Variants in TTC23L observed in about 807,000 individuals in gnomAD.
The protein encoded by TTC23L is tetratricopeptide repeat domain 23 like.
TTC23L carries 42 observed loss-of-function variants against 48.1 expected under a neutral mutation model. The ratio of observed to expected loss-of-function variants is 0.87; its 90% CI spans 0.68 to 1.13. The LOEUF is 1.13. TTC23L is among the 50% of genes most tolerant of loss of function. The pLI is 0.00. For synonymous variants in TTC23L, 159 were observed against 157.2 expected, an observed-to-expected ratio of 1.01 and a Z score of -0.09; for missense variants, 391 against 421.0, an observed-to-expected ratio of 0.93 and a Z score of 0.62.
chr5:34,891,909 A>G lies in TTC23L; in HGVS notation c.1078-4861A>G, dbSNP rs994466378. On this transcript the variant is annotated intron_variant, in intron 9 of 10. Coordinates refer to ENST00000505624, the Ensembl canonical transcript of TTC23L. ...TATGAGTTTCTTTAGGTACTTGGAAATTAATTTTTCTTTCTGTAAATTACA... is the reference window on the plus strand; with the variant it reads ...TATGAGTTTCTTTAGGTACTTGGAAGTTAATTTTTCTTTCTGTAAATTACA... Among the ~76,000 whole-genome samples the G allele has an allele frequency of 2.0e-4, 30 of 152,332 alleles. No homozygotes were observed. The East Asian group carries it at 5.6e-3, about 28-fold the overall frequency.
intron 9 of TTC23L, among the ~76,000 whole-genome samples, chr5:34,885,110 C>T (rs153013): frequency 0.31 from 46,898 of 152,058 alleles, 7,674 homozygotes; most frequent in South Asian, 0.47. Flanking sequence ...ATTTCCAGTG[C>T]ATACTTAATT....
intron 8 of TTC23L, among the ~76,000 whole-genome samples, chr5:34,870,304 C>A (rs1410151578): frequency 6.6e-6 from 1 of 151,948 alleles, no homozygotes; most frequent in Non-Finnish European, 1.5e-5. Context: ...TCTAAGCACA[C>A]AAAGACATAC....
At chr5:34,891,861 G>C (rs1459130367) in intron 9 of TTC23L, among the ~76,000 whole-genome samples, 1 of 152,164 alleles carries the variant, frequency 6.6e-6, no homozygotes, top group African/African-American at 2.4e-5. Flanking sequence ...AAAATTAGGA[G>C]ATCTAATTCA....
intron 2 of TTC23L, among the ~76,000 whole-genome samples, chr5:34,843,839 A>T (rs1758895493): frequency 6.6e-6 from 1 of 152,114 alleles, no homozygotes; most frequent in South Asian, 2.1e-4. Flanking sequence ...ACAGGCCATT[A>T]TTTGTTTTTA....
At chr5:34,899,940 A>G (rs937700449), downstream of TTC23L, among the ~76,000 whole-genome samples, 2 of 152,188 alleles carry the variant, frequency 1.3e-5, no homozygotes, top group African/African-American at 4.8e-5. Context: ...ATCCTGATCT[A>G]TGACTTGGGG....
At chr5:34,916,395 G>A in the TTC23L span, 1 of 152,836 alleles carries the variant, frequency 6.5e-6, no homozygotes, top group African/African-American at 2.4e-5. Flanking sequence ...AAGAGATACT[G>A]AAAAATAGAC....
At chr5:34,908,680 A>G in the TTC23L span, 2 of 1,242,162 alleles carry the variant, frequency 1.6e-6, no homozygotes, top group Non-Finnish European at 2.2e-6. Context: ...AGAAAATCCA[A>G]TATGAAATGA....
At chr5:34,892,776 G>C (rs1762953756) in intron 9 of TTC23L, among the ~76,000 whole-genome samples, 1 of 152,154 alleles carries the variant, frequency 6.6e-6, no homozygotes, top group Non-Finnish European at 1.5e-5. Flanking sequence ...ACCCGATATT[G>C]CTGAGGAAAA....
At chr5:34,923,071 G>A in the TTC23L span, 2 of 1,568,362 alleles carry the variant, frequency 1.3e-6, no homozygotes, top group Non-Finnish European at 1.8e-6. Flanking sequence ...TTTAAAATTA[G>A]CTATCCAAAA....
intron 2 of TTC23L, among the ~76,000 whole-genome samples, chr5:34,844,298 G>T (rs1220732695): frequency 6.9e-6 from 1 of 145,648 alleles, no homozygotes; most frequent in African/African-American, 2.6e-5. Flanking sequence ...TACACAACCT[G>T]GTTTGCCCAC....
At chr5:34,875,549 T>G (rs1231831411) in intron 8 of TTC23L, among the ~76,000 whole-genome samples, 3 of 152,098 alleles carry the variant, frequency 2.0e-5, no homozygotes, top group African/African-American at 7.2e-5. Flanking sequence ...CAGTGGCAGC[T>G]GATTAGATTG....
At chr5:34,853,462 G>A (rs1317066321) in intron 4 of TTC23L, among the ~76,000 whole-genome samples, 1 of 152,130 alleles carries the variant, frequency 6.6e-6, no homozygotes, top group East Asian at 1.9e-4. Flanking sequence ...ACCAGGAGGT[G>A]GAGGTGGCAG....
At chr5:34,839,598 G>A (rs926046702) in intron 1 of TTC23L, 11 of 984,746 alleles carry the variant, frequency 1.1e-5, no homozygotes, top group African/African-American at 5.2e-5. Flanking sequence ...AGGTTAAAAA[G>A]AGAAATTAGT....
At chr5:34,895,513 G>A (rs550091671) in intron 9 of TTC23L, among the ~76,000 whole-genome samples, 3 of 152,292 alleles carry the variant, frequency 2.0e-5, no homozygotes, top group Admixed American at 1.3e-4. Flanking sequence ...GCTGCATACC[G>A]AAAAGTTATT....
At chr5:34,847,942 G>T (rs187091579) in intron 3 of TTC23L, among the ~76,000 whole-genome samples, 54 of 152,214 alleles carry the variant, frequency 3.5e-4, no homozygotes, top group Admixed American at 1.1e-3. Flanking sequence ...CTTTAAATGG[G>T]TTACTTTGGT....
intron 8 of TTC23L, among the ~76,000 whole-genome samples, chr5:34,874,421 C>T (rs1761682490): frequency 6.6e-6 from 1 of 151,972 alleles, no homozygotes; most frequent in Admixed American, 6.6e-5. Flanking sequence ...TTATAAGGTA[C>T]TATATAGTGT....
chr5:34,872,861 G>T (rs949601845), intron 8 of TTC23L, among the ~76,000 whole-genome samples: 6 of 152,150 alleles, frequency 3.9e-5, no homozygotes, highest in Admixed American at 3.9e-4. Context: ...TCAGGAGTTT[G>T]AGACCAGCCT....
chr5:34,845,505 C>T, exon 3 of TTC23L: 1 of 1,613,306 alleles, frequency 6.2e-7, no homozygotes, highest in Non-Finnish European at 8.5e-7. Flanking sequence ...AAACCGAGAT[C>T]CCAGCTCACC....
chr5:34,914,234 T>A, the TTC23L span, among the ~76,000 whole-genome samples: 13 of 152,348 alleles, frequency 8.5e-5, no homozygotes, highest in African/African-American at 3.1e-4. Context: ...AAAGAGCATA[T>A]ATTCTGGAAA....
Sources: allele counts gnomAD v4.1 joint callset (sites outside exome capture counted in the v4.1 genomes callset), GRCh38; gene constraint gnomAD v4.1.1; transcripts MANE v1.5; gene names NCBI Gene and HGNC (gene_info 2026-07-23, HGNC 2026-07-21).